EGFL6: variants seen among roughly 807,000 people sequenced by gnomAD.
The protein encoded by EGFL6 is epidermal growth factor-like protein 6.
A neutral mutation model predicts 43.1 loss-of-function variants in EGFL6; 42 were observed. That is an observed-to-expected ratio of 0.98 (90% confidence interval 0.76 to 1.26). The LOEUF (loss-of-function observed/expected upper bound fraction) is 1.26. Among genes scored for constraint, EGFL6 ranks in the 50% most tolerant of loss-of-function variants. The pLI, the probability that EGFL6 is intolerant of heterozygous loss-of-function variation, is 0.00. For missense variants in EGFL6, 429 were observed against 427.8 expected, an observed-to-expected ratio of 1.00 and a Z score of -0.02; for synonymous variants, 164 against 163.2, an observed-to-expected ratio of 1.01 and a Z score of -0.04.
rs1368063357 is a variant in EGFL6 at position 13,625,899 on chromosome X, A to AAAG, written c.1286-1110_1286-1109insGAA. ...AGACCCTGCCTCAAAAAAAAAAAAA[A>AAAG]AAAAGAAAAAGAAAAAAAGAAAAGA... On this transcript the variant is annotated intron_variant, in intron 10 of 11. Coordinates refer to ENST00000361306, the MANE Select transcript of EGFL6 (RefSeq NM_015507.4). 9.4e-3 allele frequency among the ~76,000 whole-genome samples: 367 copies of AAAG among 39,174 alleles called. 5 individuals carry two copies. The highest frequency in any genetic ancestry group is 0.026 in the African/African-American group (354 of 13,552). The allele number at this position is 39,174 out of a possible 115,157, so 34.0% of individuals were successfully genotyped here.
chrX:13,613,229 G>A (rs1408787436), intron 7 of EGFL6, among the ~76,000 whole-genome samples: 1 of 104,485 alleles, frequency 9.6e-6, no homozygotes, highest in Non-Finnish European at 1.9e-5. Context: ...TCATTGTTTT[G>A]AAAATTTCAG....
rs780194370 is a variant in EGFL6 at position 13,606,499 on chromosome X, G to A, written c.641G>A (p.Arg214Gln). The change falls in exon 6 of 12, where the codon CGA becomes CAA. Residue 214 changes from arginine (R) to glutamine (Q), a missense_variant. Arg to Gln is a conservative substitution (Grantham distance 43). Coordinates refer to ENST00000361306, the MANE Select transcript of EGFL6 (RefSeq NM_015507.4). Reference sequence around the variant, plus strand: ...TTCGAACTGCAATATATCAGTGGACGATATGACTGTATAGGTAAGATTCGA... The same window carrying A: ...TTCGAACTGCAATATATCAGTGGACAATATGACTGTATAGGTAAGATTCGA... ...IGFELQYISG[R>Q]YDCIDINECT... 4 of 1,210,884 alleles carry A rather than the reference G, an allele frequency of 3.3e-6. No homozygotes were observed. The highest frequency in any genetic ancestry group is 4.5e-6 in the Non-Finnish European group (4 of 894,948).
chrX:13,569,994 G>A (rs1312005141), intron 1 of EGFL6, 59 bp downstream of exon 1: 15 of 1,118,575 alleles, frequency 1.3e-5, no homozygotes, highest in Admixed American at 2.2e-5. Flanking sequence ...CCCGCTTTGG[G>A]GCCCCATGTC....
chrX:13,589,914 G>A (rs1297461178), intron 2 of EGFL6, among the ~76,000 whole-genome samples: 1 of 112,723 alleles, frequency 8.9e-6, no homozygotes, highest in Non-Finnish European at 1.9e-5. Flanking sequence ...ATCTTAATGA[G>A]TATGACTGGG....
intron 9 of EGFL6, among the ~76,000 whole-genome samples, chrX:13,622,351 T>C (rs1164012850): frequency 8.9e-6 from 1 of 111,998 alleles, no homozygotes; most frequent in East Asian, 2.8e-4. Context: ...TAGTTTTAGT[T>C]TCCTGAAAAT....
chrX:13,601,641 T>C (rs1025363443), intron 4 of EGFL6, among the ~76,000 whole-genome samples: 1 of 112,071 alleles, frequency 8.9e-6, no homozygotes, highest in Non-Finnish European at 1.9e-5. Flanking sequence ...ACACCACCAG[T>C]CACGTAGATC....
chrX:13,608,588 G>C, intron 7 of EGFL6, 142 bp downstream of exon 7: 1 of 741,827 alleles, frequency 1.3e-6, no homozygotes, highest in Non-Finnish European at 1.9e-6. Flanking sequence ...TGTGTGTGCA[G>C]TGTTTAACTC....
At position 13,619,258 on chromosome X, in the gene EGFL6, C is replaced by T; in HGVS notation, c.1183+15C>T. On this transcript the variant is annotated intron_variant, in intron 9 of 11. Coordinates refer to ENST00000361306, the MANE Select transcript of EGFL6 (RefSeq NM_015507.4). Reference sequence around the variant, plus strand: ...GGAACATAAAGGTAAATAATTCTTTCTCCCAAGTGTATGCTCTTTCATGTT... The same window carrying T: ...GGAACATAAAGGTAAATAATTCTTTTTCCCAAGTGTATGCTCTTTCATGTT... 8.5e-7 allele frequency: 1 copy of T among 1,179,400 alleles called. No homozygotes were observed. The highest frequency in any genetic ancestry group is 1.2e-6 in the Non-Finnish European group (1 of 866,003).
In EGFL6 at chrX:13,631,458, A is replaced by AT. The variant is rs769798949; in HGVS notation, c.1552-1516dup. Among the ~76,000 whole-genome samples, 22 of 107,354 alleles carry AT rather than the reference A, an allele frequency of 2.0e-4. No homozygotes were observed. The South Asian group carries it at 2.3e-3, about 11-fold the overall frequency. 93.2% of individuals were successfully genotyped at this position (107,354 alleles called of 115,157 possible). ...TCTGATTATAAAATTAACATGAACTATTTTTTTTTTTAAATTACAATATTG... is the reference window on the plus strand; with the variant it reads ...TCTGATTATAAAATTAACATGAACTATTTTTTTTTTTTAAATTACAATATTG... On this transcript the variant is annotated intron_variant, in intron 11 of 11. Coordinates refer to ENST00000361306, the MANE Select transcript of EGFL6 (RefSeq NM_015507.4).
chrX:13,603,742 T>C (rs2045646562), intron 5 of EGFL6, among the ~76,000 whole-genome samples: 1 of 112,404 alleles, frequency 8.9e-6, no homozygotes, highest in African/African-American at 3.2e-5. Flanking sequence ...CCACTACTTA[T>C]ATTTTGTCAT....
chrX:13,624,022 A>C, intron 10 of EGFL6, 97 bp downstream of exon 10: 1 of 701,734 alleles, frequency 1.4e-6, no homozygotes, highest in African/African-American at 2.2e-5. Flanking sequence ...TCATCAGAGC[A>C]GGGTTGTTTG....
Position 13,581,342 on chromosome X carries a change from C to T in EGFL6, c.75-8214C>T, listed in dbSNP as rs756911661. Among the ~76,000 whole-genome samples the T allele has an allele frequency of 7.2e-5, 8 of 111,448 alleles. No homozygotes were observed. The East Asian group carries it at 8.4e-4, about 12-fold the overall frequency. ...AGATGTCTTGGGGTATCCCTGGACCCGCTGGACTTGTACTCTGTTTCTTGA... is the reference window on the plus strand; with the variant it reads ...AGATGTCTTGGGGTATCCCTGGACCTGCTGGACTTGTACTCTGTTTCTTGA... On this transcript the variant is annotated intron_variant, in intron 1 of 11. Coordinates refer to ENST00000361306, the MANE Select transcript of EGFL6 (RefSeq NM_015507.4).
At chrX:13,612,493 C>T (rs1455164514) in intron 7 of EGFL6, among the ~76,000 whole-genome samples, 1 of 110,820 alleles carries the variant, frequency 9.0e-6, no homozygotes, top group African/African-American at 3.3e-5. Context: ...CTTTTCCCCA[C>T]ATTTCCCCCT....
In EGFL6 at chrX:13,628,623, G is replaced by A. The variant is rs1044143259; in HGVS notation, c.1551+1347G>A. Among the ~76,000 whole-genome samples, 8 of 111,210 alleles carry A rather than the reference G, an allele frequency of 7.2e-5. No individual in the cohort carries two copies. In the East Asian group the frequency reaches 1.7e-3, roughly 24 times the overall value. The stretch of plus-strand genomic sequence containing the variant: ...GAGGTTGGGAGTTCAAGACCAGCCT[G>A]ACCAACATGGAGAAACCCCATCTCT... On this transcript the variant is annotated intron_variant, in intron 11 of 11. Transcript: ENST00000361306.
At chrX:13,621,384 C>T (rs1156347778) in intron 9 of EGFL6, among the ~76,000 whole-genome samples, 1 of 111,802 alleles carries the variant, frequency 8.9e-6, no homozygotes, top group Non-Finnish European at 1.9e-5. Flanking sequence ...TCCCATCTGG[C>T]ATTGATTGAA....
rs1386227313 is a variant in EGFL6 at position 13,608,367 on chromosome X, T to A, written c.699T>A (p.His233Gln). 8.3e-7 allele frequency: 1 copy of A among 1,200,404 alleles called. No individual in the cohort carries two copies. Among genetic ancestry groups the A allele is most frequent in the African/African-American group, 1.8e-5 (1 of 56,663 alleles). ...CTMDSHTCSHHANCFNTQGSF... is the reference protein window; with the variant it reads ...CTMDSHTCSHQANCFNTQGSF... ...TGGATAGCCATACGTGCAGCCACCA[T>A]GCCAATTGCTTCAATACCCAAGGGT... is the stretch of plus-strand genomic sequence containing the variant. The change falls in exon 7 of 12, where the codon CAT becomes CAA. Residue 233 changes from histidine to glutamine, a missense_variant. Coordinates refer to ENST00000361306, the MANE Select transcript of EGFL6 (RefSeq NM_015507.4).
chrX:13,570,316 CTG>C (rs2045433956), intron 1 of EGFL6, among the ~76,000 whole-genome samples: 1 of 111,155 alleles, frequency 9.0e-6, no homozygotes, highest in African/African-American at 3.3e-5. Flanking sequence ...GGTTCTGTGT[CTG>C]TGCGGTTTTG....
chrX:13,608,755 T>A lies in EGFL6; in HGVS notation c.778+309T>A, dbSNP rs147093009. Among the ~76,000 whole-genome samples, 537 of 112,638 alleles carry A rather than the reference T, an allele frequency of 4.8e-3. 8 individuals carry two copies. The highest frequency in any genetic ancestry group is 0.037 in the East Asian group (132 of 3,606). ...CATAACATTTAAGGACAAAAGACAC[T>A]GAGCAAATTTATCTATCAGGATAGA... On this transcript the variant is annotated intron_variant, in intron 7 of 11. Coordinates refer to ENST00000361306, the MANE Select transcript of EGFL6 (RefSeq NM_015507.4).
intron 10 of EGFL6, among the ~76,000 whole-genome samples, chrX:13,626,259 C>T (rs1049879843): frequency 6.3e-5 from 7 of 111,608 alleles, no homozygotes; most frequent in African/African-American, 2.0e-4. Flanking sequence ...CAAGTATCTC[C>T]GACTTGCAGT....
Sources: allele counts gnomAD v4.1 joint callset (sites outside exome capture counted in the v4.1 genomes callset), GRCh38; gene constraint gnomAD v4.1.1; transcripts MANE v1.5; gene names NCBI Gene and HGNC (gene_info 2026-07-23, HGNC 2026-07-21).